CEP112: variants seen among roughly 807,000 people sequenced by gnomAD.
CEP112 encodes centrosomal protein 112, also known as centrosomal protein of 112 kDa.
A neutral mutation model predicts 153.0 loss-of-function variants in CEP112; 127 were observed. That is an observed-to-expected ratio of 0.83 (90% CI 0.72 to 0.96). CEP112 has a LOEUF of 0.96. Among genes scored for constraint, CEP112 ranks in the 40% least tolerant of loss-of-function variants. CEP112 has a pLI of 0.00. For missense variants in CEP112, 1,089 were observed against 1,101.2 expected (o/e 0.99, Z 0.16); for synonymous variants, 358 against 374.4 (o/e 0.96, Z 0.51).
chr17:65,687,448 G>C (rs1446455780), intron 24 of CEP112, among the ~76,000 whole-genome samples: 1 of 152,048 alleles, frequency 6.6e-6, no homozygotes, highest in African/African-American at 2.4e-5. Context: ...TTACAGGTGT[G>C]AGCCACTGCG....
At chr17:65,650,624 G>C (rs1284635373) in intron 24 of CEP112, among the ~76,000 whole-genome samples, 1 of 151,376 alleles carries the variant, frequency 6.6e-6, no homozygotes, top group Non-Finnish European at 1.5e-5. Context: ...GGCCAGGAGC[G>C]GTGGCTCATG....
At chr17:65,723,239 C>A (rs2049995545) in intron 23 of CEP112, among the ~76,000 whole-genome samples, 1 of 152,084 alleles carries the variant, frequency 6.6e-6, no homozygotes. Context: ...AGAAAAAAAA[C>A]TGGCCAAACT....
intron 23 of CEP112, among the ~76,000 whole-genome samples, chr17:65,705,101 A>C (rs1253945120): frequency 6.6e-6 from 1 of 152,314 alleles, no homozygotes; most frequent in South Asian, 2.1e-4. Context: ...ATGATTAGTG[A>C]CCTACTTTTC....
chr17:65,654,500 G>C (rs1365392082), intron 24 of CEP112, among the ~76,000 whole-genome samples: 2 of 152,236 alleles, frequency 1.3e-5, no homozygotes, highest in Non-Finnish European at 2.9e-5. Flanking sequence ...GGGACTCCAA[G>C]GCAAGCGGGT....
chr17:65,845,064 C>A (rs1416007143), intron 21 of CEP112, among the ~76,000 whole-genome samples: 1 of 151,788 alleles, frequency 6.6e-6, no homozygotes, highest in Non-Finnish European at 1.5e-5. Context: ...TCACGCCTGT[C>A]CTCCCAGCAC....
At chr17:66,045,067 C>CA (rs770538797) in intron 12 of CEP112, among the ~76,000 whole-genome samples, 5 of 132,744 alleles carry the variant, frequency 3.8e-5, no homozygotes, top group Admixed American at 7.1e-5. Context: ...AAGCTAGAAA[C>CA]AAAAAAAAAA....
chr17:66,151,336 C>T (rs1168048117), intron 4 of CEP112, among the ~76,000 whole-genome samples: 1 of 152,102 alleles, frequency 6.6e-6, no homozygotes, highest in Non-Finnish European at 1.5e-5. Flanking sequence ...GTTACACATC[C>T]TTCTAGCTAT....
intron 8 of CEP112, among the ~76,000 whole-genome samples, chr17:66,077,293 A>G (rs990916738): frequency 1.3e-5 from 2 of 152,208 alleles, no homozygotes; most frequent in Admixed American, 1.3e-4. Flanking sequence ...ATTCAAGGAA[A>G]TCCAAAAAAA....
intron 17 of CEP112, among the ~76,000 whole-genome samples, chr17:65,979,452 C>T (rs1283012258): frequency 1.3e-5 from 2 of 152,006 alleles, no homozygotes; most frequent in South Asian, 2.1e-4. Flanking sequence ...GTTGCCCAGG[C>T]GTGTCTTGAA....
intron 12 of CEP112, among the ~76,000 whole-genome samples, chr17:66,047,955 C>T (rs569586444): frequency 1.3e-5 from 2 of 152,154 alleles, no homozygotes; most frequent in African/African-American, 2.4e-5. Context: ...TGACATAGTA[C>T]TTGCATATAC....
chr17:65,663,510 C>T (rs1219835227), intron 24 of CEP112, among the ~76,000 whole-genome samples: 1 of 152,098 alleles, frequency 6.6e-6, no homozygotes, highest in Non-Finnish European at 1.5e-5. Flanking sequence ...GGTAGGAGCT[C>T]CCTATATTTC....
chr17:66,120,680 T>C (rs1158395460), intron 6 of CEP112, among the ~76,000 whole-genome samples: 1 of 152,204 alleles, frequency 6.6e-6, no homozygotes, highest in Admixed American at 6.5e-5. Flanking sequence ...TATTATACTT[T>C]GAGTATCTAT....
Position 65,689,130 on chromosome 17 carries a change from T to C in CEP112, c.2696A>G (p.Gln899Arg). Residue 899 changes from glutamine (Q) to arginine (R), a missense_variant and splice_region_variant, in exon 24 of 27, where the codon CAG (glutamine) becomes CGG (arginine). Gln to Arg is a conservative substitution (Grantham distance 43). Coordinates refer to ENST00000535342, the MANE Select transcript of CEP112 (RefSeq NM_001199165.4). The stretch of plus-strand genomic sequence containing the variant: ...GTCAAATAGTAAAGGAGAGGGTACC[T>C]GTTCCTGTGACTCCAATTCTTTGTG... ...LQHKELESQE[Q>R]ITYIRQEYET... The C allele has an allele frequency of 6.2e-7, 1 of 1,603,362 alleles. No individual in the cohort carries two copies. Among genetic ancestry groups the C allele is most frequent in the Non-Finnish European group, 8.5e-7 (1 of 1,170,234 alleles).
At chr17:65,969,152 G>A (rs1248701596) in intron 17 of CEP112, among the ~76,000 whole-genome samples, 1 of 150,372 alleles carries the variant, frequency 6.7e-6, no homozygotes, top group Non-Finnish European at 1.5e-5. Context: ...TGCGATCTCG[G>A]CTAACTACAA....
intron 5 of CEP112, among the ~76,000 whole-genome samples, chr17:66,130,794 C>CA (rs1568527270): frequency 2.2e-5 from 3 of 136,578 alleles, no homozygotes; most frequent in African/African-American, 8.2e-5. Context: ...AAAAAAAAAA[C>CA]ACACACAATT....
chr17:66,069,871 T>C (rs1450904212), intron 9 of CEP112, 44 bp downstream of exon 9: 1 of 1,083,976 alleles, frequency 9.2e-7, no homozygotes, highest in East Asian at 2.4e-5. Flanking sequence ...ACCTAGAATA[T>C]TTTTAGTGTT....
chr17:66,099,504 C>CAAAAAAAAA (rs71160532), intron 6 of CEP112, among the ~76,000 whole-genome samples: 12 of 113,900 alleles, frequency 1.1e-4, no homozygotes, highest in East Asian at 6.6e-4. Context: ...AACTCTGTCT[C>CAAAAAAAAA]AAAAAAAAAA....
intron 21 of CEP112, among the ~76,000 whole-genome samples, chr17:65,766,166 G>A (rs1310206246): frequency 1.1e-4 from 15 of 140,394 alleles, no homozygotes; most frequent in East Asian, 3.9e-4. Context: ...ACGAAGAACC[G>A]AACAGAAATC....
At chr17:65,951,544 A>C (rs764785340) in intron 18 of CEP112, among the ~76,000 whole-genome samples, 1 of 151,978 alleles carries the variant, frequency 6.6e-6, no homozygotes, top group East Asian at 1.9e-4. Context: ...TAATCCTTTC[A>C]TTTTCTAGAA....
Sources: allele counts gnomAD v4.1 joint callset (sites outside exome capture counted in the v4.1 genomes callset), GRCh38; gene constraint gnomAD v4.1.1; transcripts MANE v1.5; gene names NCBI Gene and HGNC (gene_info 2026-07-23, HGNC 2026-07-21).